The following GABRA1 variants were observed in gnomAD, a reference collection of about 807,000 sequenced individuals.
GABRA1 encodes gamma-aminobutyric acid receptor subunit alpha-1.
In GABRA1, 9 loss-of-function variants were observed where a neutral mutation model predicts 48.9. The ratio of observed to expected loss-of-function variants is 0.18; its 90% CI spans 0.11 to 0.32. GABRA1 has a LOEUF of 0.32. Ranked by LOEUF, GABRA1 falls within the 10% of genes least tolerant of loss-of-function variation. GABRA1 has a pLI of 1.00. For missense variants in GABRA1, 285 were observed against 553.8 expected (o/e 0.51, Z 4.87); for synonymous variants, 210 against 198.7 (o/e 1.06, Z -0.48).
intron 6 of GABRA1, among the ~76,000 whole-genome samples, chr5:161,881,134 C>A (rs1367147639): frequency 6.6e-6 from 1 of 152,168 alleles, no homozygotes; most frequent in African/African-American, 2.4e-5. Context: ...AGGCCCTGTG[C>A]CTAATGGAGA....
intron 6 of GABRA1, among the ~76,000 whole-genome samples, chr5:161,881,034 A>G (rs145565821): frequency 6.6e-6 from 1 of 152,224 alleles, no homozygotes; most frequent in African/African-American, 2.4e-5. Context: ...AAAGATGAAT[A>G]TAATCCAGAT....
At chr5:161,852,789 TAACTTTATCAAATTAA>T (rs1757502865) in intron 2 of GABRA1, among the ~76,000 whole-genome samples, 1 of 151,990 alleles carries the variant, frequency 6.6e-6, no homozygotes, top group South Asian at 2.1e-4. Context: ...TTAGTTTTAG[TAACTTTATCAAATTAA>T]AACTTTATCA....
chr5:161,896,544 A>G (rs978498892), intron 9 of GABRA1, among the ~76,000 whole-genome samples: 12 of 152,214 alleles, frequency 7.9e-5, no homozygotes, highest in Non-Finnish European at 4.4e-5. Context: ...TGGGGTTTGA[A>G]GAACAAGCGT....
intron 3 of GABRA1, among the ~76,000 whole-genome samples, chr5:161,855,687 T>C (rs1757619941): frequency 6.6e-6 from 1 of 151,388 alleles, no homozygotes; most frequent in African/African-American, 2.4e-5. Flanking sequence ...ATTACAAAAC[T>C]AGCTAGATGA....
chr5:161,875,007 T>C (rs1225848020), intron 5 of GABRA1, among the ~76,000 whole-genome samples: 2 of 152,132 alleles, frequency 1.3e-5, no homozygotes, highest in Non-Finnish European at 2.9e-5. Context: ...CGAAATGGTT[T>C]GCAAGTAGTG....
rs1754661559 is a variant in GABRA1, at chr5:161,882,555, T to A, written c.560-3T>A. 1.2e-6 allele frequency: 2 copies of A among 1,612,836 alleles called. No homozygotes were observed. Among genetic ancestry groups the A allele is most frequent in the Admixed American group, 3.3e-5 (2 of 59,866 alleles). On this transcript the variant is annotated splice_region_variant and splice_polypyrimidine_tract_variant and intron_variant, in intron 6 of 9. Transcript: ENST00000393943. ...TGGATCATTTTCTACTGTTTCCTTT[T>A]AGATGCTTATACAAGAGCAGAAGTT...
chr5:161,898,274 T>C lies in GABRA1; in HGVS notation c.*852T>C, dbSNP rs190302700. On this transcript the variant is annotated 3_prime_UTR_variant, in exon 10 of 10. Transcript: ENST00000393943. ...ATAGCACATGAGCCCAACACTCACTTAATTCTCATTATGAAGATGTTTTTA... is the reference window on the plus strand; with the variant it reads ...ATAGCACATGAGCCCAACACTCACTCAATTCTCATTATGAAGATGTTTTTA... 6.5e-6 allele frequency: 1 copy of C among 152,754 alleles called. No homozygotes were observed. Among genetic ancestry groups the C allele is most frequent in the East Asian group, 1.9e-4 (1 of 5,188 alleles). The allele number at this position is 152,754 out of a possible 1,614,324, so 9.5% of individuals were successfully genotyped here.
At chr5:161,877,563 A>G (rs1366154303) in intron 6 of GABRA1, among the ~76,000 whole-genome samples, 1 of 152,182 alleles carries the variant, frequency 6.6e-6, no homozygotes, top group Non-Finnish European at 1.5e-5. Context: ...AGTAATGCCT[A>G]TACGAAAAAG....
At chr5:161,855,012 A>T (rs1421198144) in intron 3 of GABRA1, among the ~76,000 whole-genome samples, 1 of 151,522 alleles carries the variant, frequency 6.6e-6, no homozygotes, top group African/African-American at 2.4e-5. Flanking sequence ...CAAAATATTG[A>T]TCTCAGAGTA....
chr5:161,891,466 T>C (rs1283808661), intron 8 of GABRA1, among the ~76,000 whole-genome samples: 1 of 152,320 alleles, frequency 6.6e-6, no homozygotes, highest in South Asian at 2.1e-4. Context: ...AGAGCTTCTT[T>C]AAGTAGGGAG....
chr5:161,897,210 G>T lies in GABRA1; in HGVS notation c.1159G>T (p.Ala387Ser), dbSNP rs1561588765. Residue 387 changes from alanine (A) to serine (S), a missense_variant, in exon 10 of 10, where the codon GCC (alanine) becomes TCC (serine). By Grantham distance (99) the Ala-to-Ser change is moderately conservative (BLOSUM62 1). This residue lies in a region of GABRA1 where 99 missense variants were observed against 94.2 expected (regional missense o/e 1.05). Transcript: ENST00000393943. ...TTTGGCCAGGGGCGACCCGGGCTTA[G>T]CCACCATTGCTAAAAGTGCAACCAT... ...PNLARGDPGL[A>S]TIAKSATIEP... is the part of the protein sequence containing the mutation. 10 of 1,614,088 alleles carry T rather than the reference G, an allele frequency of 6.2e-6. No individual in the cohort carries two copies. Among genetic ancestry groups the T allele is most frequent in the Non-Finnish European group, 8.5e-6 (10 of 1,180,002 alleles).
At chr5:161,870,775 C>G (rs1395791135) in intron 4 of GABRA1, among the ~76,000 whole-genome samples, 3 of 152,158 alleles carry the variant, frequency 2.0e-5, no homozygotes, top group Non-Finnish European at 4.4e-5. Context: ...TGGGAACTAC[C>G]TGCTGCTACC....
At chr5:161,850,299 T>A (rs949698551) in intron 1 of GABRA1, 4 of 249,990 alleles carry the variant, frequency 1.6e-5, no homozygotes, top group Admixed American at 5.4e-5. Context: ...TCAAGGTACC[T>A]GCAGAATTCA....
At chr5:161,864,584 T>C (rs1392320333) in intron 3 of GABRA1, among the ~76,000 whole-genome samples, 1 of 151,914 alleles carries the variant, frequency 6.6e-6, no homozygotes, top group African/African-American at 2.4e-5. Flanking sequence ...CTTTTTTATG[T>C]TATATGCCAG....
intron 4 of GABRA1, among the ~76,000 whole-genome samples, chr5:161,869,996 A>G (rs1317926604): frequency 6.6e-6 from 1 of 152,202 alleles, no homozygotes; most frequent in Non-Finnish European, 1.5e-5. Context: ...ATTTGTGTTG[A>G]TAAAATAATA....
chr5:161,890,989 G>T lies in GABRA1; in HGVS notation c.795G>T (p.Val265=). 6.2e-7 allele frequency: 1 copy of T among 1,613,702 alleles called. No homozygotes were observed. The highest frequency in any genetic ancestry group is 8.5e-7 in the Non-Finnish European group (1 of 1,179,650). ...CATACCTGCCATGCATAATGACAGT[G>T]ATTCTCTCACAAGTCTCCTTCTGGC... The part of the protein sequence containing the change: ...IQTYLPCIMT[V]ILSQVSFWLN... The change falls in exon 8 of 10, where the codon GTG becomes GTT. Residue 265 remains valine (V), a synonymous_variant. Coordinates refer to ENST00000393943, the MANE Select transcript of GABRA1 (RefSeq NM_001127644.2).
At chr5:161,849,040 C>T in intron 1 of GABRA1, 1 of 449,586 alleles carries the variant, frequency 2.2e-6, no homozygotes, top group South Asian at 1.6e-5. Context: ...GGGATGGTAA[C>T]GTTTGGAGCG....
At chr5:161,852,020 G>T (rs1757464544) in intron 2 of GABRA1, among the ~76,000 whole-genome samples, 2 of 152,166 alleles carry the variant, frequency 1.3e-5, no homozygotes, top group South Asian at 4.1e-4. Flanking sequence ...TGGGATGAGT[G>T]TTTAATACAA....
At chr5:161,888,129 G>T (rs1754929272) in intron 7 of GABRA1, among the ~76,000 whole-genome samples, 1 of 152,086 alleles carries the variant, frequency 6.6e-6, no homozygotes, top group South Asian at 2.1e-4. Context: ...TAAATAAACT[G>T]CAAGAATATT....
Sources: gnomAD v4.1 joint callset for allele counts (sites outside exome capture counted in the v4.1 genomes callset) on GRCh38, gnomAD v4.1.1 for gene constraint, gnomAD v4.1.1 regional missense constraint, MANE v1.5 for transcripts, NCBI Gene and HGNC (gene_info 2026-07-23, HGNC 2026-07-21) for gene names.